The following ERBB4 variants were observed in gnomAD, a reference collection of about 807,000 sequenced individuals.
ERBB4 encodes erb-b2 receptor tyrosine kinase 4, also known as receptor tyrosine-protein kinase erbB-4.
ERBB4 carries 42 observed loss-of-function variants against 158.0 expected under a neutral mutation model. The observed-to-expected ratio is 0.27, with a 90% CI of 0.21 to 0.34. ERBB4 has a LOEUF of 0.34. Among genes scored for constraint, ERBB4 ranks in the 10% least tolerant of loss-of-function variants. The pLI, the probability that ERBB4 is intolerant of heterozygous loss-of-function variation, is 1.00. For missense variants in ERBB4, 1,333 were observed against 1,624.1 expected, an observed-to-expected ratio of 0.82 and a Z score of 3.08; for synonymous variants, 583 against 558.7, an observed-to-expected ratio of 1.04 and a Z score of -0.61.
rs992360871 is a variant in ERBB4 at position 212,481,403 on chromosome 2, A to G, written c.82+57046T>C. ...ATTTTATACCAAAGGATAAATTCTAAACAGAAAGCACAAAGAGGGGTACTT... is the reference window on the plus strand; with the variant it reads ...ATTTTATACCAAAGGATAAATTCTAGACAGAAAGCACAAAGAGGGGTACTT... On this transcript the variant is annotated intron_variant, in intron 1 of 27. Transcript: ENST00000342788. 2.0e-5 allele frequency among the ~76,000 whole-genome samples: 3 copies of G among 152,186 alleles called. No homozygotes were observed. In the South Asian group the frequency reaches 6.2e-4, roughly 32 times the overall value.
intron 1 of ERBB4, among the ~76,000 whole-genome samples, chr2:212,321,563 G>C (rs747190515): frequency 6.6e-6 from 1 of 150,460 alleles, no homozygotes; most frequent in African/African-American, 2.4e-5. Flanking sequence ...GCTGGGCATT[G>C]TGGCACATGC....
In ERBB4 at chr2:212,146,986, C is replaced by CTTTTTT. The variant is rs34029473; in HGVS notation, c.83-22089_83-22084dup. Among the ~76,000 whole-genome samples the CTTTTTT allele has an allele frequency of 5.4e-4, 42 of 77,446 alleles. 2 individuals are homozygous for CTTTTTT. The highest frequency in any genetic ancestry group is 8.6e-4 in the African/African-American group (16 of 18,702). 50.8% of individuals were successfully genotyped at this position (77,446 alleles called of 152,430 possible). A position where few individuals can be genotyped will look rare whatever the true frequency, so the allele number is the denominator to read the frequency against. The stretch of plus-strand genomic sequence containing the variant: ...GAGAAGCTCTGTTGTCATTGTTAGA[C>CTTTTTT]TTTTTTTTTTTTTTTTTTTTTTGAG... On this transcript the variant is annotated intron_variant, in intron 1 of 27. Coordinates refer to ENST00000342788, the MANE Select transcript of ERBB4 (RefSeq NM_005235.3).
At chr2:211,996,837 T>G (rs940480307) in intron 2 of ERBB4, among the ~76,000 whole-genome samples, 1 of 152,216 alleles carries the variant, frequency 6.6e-6, no homozygotes, top group African/African-American at 2.4e-5. Flanking sequence ...CATACACGTT[T>G]AATTTTAATC....
At position 211,802,227 on chromosome 2, in the gene ERBB4, A is replaced by G. The variant is rs539130202; in HGVS notation, c.422-14068T>C. Among the ~76,000 whole-genome samples, 17 of 151,542 alleles carry G rather than the reference A, an allele frequency of 1.1e-4. No individual in the cohort carries two copies. The South Asian group carries it at 3.5e-3, about 32-fold the overall frequency. On this transcript the variant is annotated intron_variant, in intron 3 of 27. Coordinates refer to ENST00000342788, the MANE Select transcript of ERBB4 (RefSeq NM_005235.3). ...TGAGCCGAGATAGCGCCGCTGCAGT[A>G]CGGCCTGGGCGAAAGAGCGAGACTC...
chr2:211,451,143 G>A (rs574265620), intron 20 of ERBB4, among the ~76,000 whole-genome samples: 2 of 152,292 alleles, frequency 1.3e-5, no homozygotes, highest in African/African-American at 4.8e-5. Flanking sequence ...TTAGGGGCAT[G>A]GAAGAAGGCC....
chr2:212,244,200 T>G (rs950946316), intron 1 of ERBB4, among the ~76,000 whole-genome samples: 8 of 152,144 alleles, frequency 5.3e-5, no homozygotes. Flanking sequence ...ACATAGACAT[T>G]TATGAGGTAT....
At chr2:211,473,714 T>A (rs2064886263) in intron 20 of ERBB4, among the ~76,000 whole-genome samples, 1 of 151,934 alleles carries the variant, frequency 6.6e-6, no homozygotes, top group African/African-American at 2.4e-5. Context: ...TAGGTTAAGC[T>A]CCCTGGGAGC....
intron 20 of ERBB4, among the ~76,000 whole-genome samples, chr2:211,515,496 G>T (rs1210656343): frequency 6.6e-6 from 1 of 152,034 alleles, no homozygotes; most frequent in Non-Finnish European, 1.5e-5. Context: ...TGTCAGTTGA[G>T]TAGACTGCAT....
intron 20 of ERBB4, among the ~76,000 whole-genome samples, chr2:211,529,754 T>G (rs2066445646): frequency 6.6e-6 from 1 of 152,092 alleles, no homozygotes. Context: ...AATTATATAA[T>G]CATTTCAATT....
rs769106767 is a variant in ERBB4, at chr2:211,431,021, T to A, written c.2567A>T (p.His856Leu). The change falls in exon 21 of 28, where the codon CAT becomes CTT. Residue 856 changes from histidine (H) to leucine (L), a missense_variant. His to Leu is a moderately conservative substitution (Grantham distance 99). This residue lies in a region of ERBB4 where 314 missense variants were observed against 437.6 expected (regional missense o/e 0.72). Coordinates refer to ENST00000342788, the MANE Select transcript of ERBB4 (RefSeq NM_005235.3). ...TAGCCCAAAATCTGTGATTTTCACATGGTTTGGAGATTTCACTAAGACATT... is the reference window on the plus strand; with the variant it reads ...TAGCCCAAAATCTGTGATTTTCACAAGGTTTGGAGATTTCACTAAGACATT... ...ARNVLVKSPN[H>L]VKITDFGLAR... The A allele has an allele frequency of 3.7e-6, 6 of 1,613,774 alleles. No homozygotes were observed. In the Admixed American group the frequency reaches 1.0e-4, roughly 27 times the overall value.
At chr2:212,102,179 C>T (rs1219553443) in intron 2 of ERBB4, among the ~76,000 whole-genome samples, 2 of 141,378 alleles carry the variant, frequency 1.4e-5, no homozygotes, top group African/African-American at 2.6e-5. Context: ...TTTTCTTTAC[C>T]GCTGGTCATT....
intron 1 of ERBB4, among the ~76,000 whole-genome samples, chr2:212,469,223 A>C (rs1688995019): frequency 6.6e-6 from 1 of 152,222 alleles, no homozygotes. Context: ...TCCTTTCAGT[A>C]TTTATAGACA....
intron 2 of ERBB4, among the ~76,000 whole-genome samples, chr2:212,122,653 A>C (rs1268896313): frequency 6.6e-6 from 1 of 152,104 alleles, no homozygotes; most frequent in African/African-American, 2.4e-5. Context: ...GGTTCCCAAC[A>C]CAGTATAGAC....
chr2:211,618,009 G>A lies in ERBB4; in HGVS notation c.2301+1168C>T, dbSNP rs73988621. ...CATCCTACTCTGAAATTTGCTGACC[G>A]GTTCAAATCTACAATTTTTGCTAGG... On this transcript the variant is annotated intron_variant, in intron 19 of 27. Coordinates refer to ENST00000342788, the MANE Select transcript of ERBB4 (RefSeq NM_005235.3). Among the ~76,000 whole-genome samples, 369 of 151,966 alleles carry A rather than the reference G, an allele frequency of 2.4e-3. 5 individuals are homozygous for A. Among genetic ancestry groups the A allele is most frequent in the African/African-American group, 7.8e-3 (323 of 41,478 alleles).
intron 1 of ERBB4, among the ~76,000 whole-genome samples, chr2:212,402,040 A>G (rs182052654): frequency 1.3e-5 from 2 of 152,232 alleles, no homozygotes; most frequent in Admixed American, 6.6e-5. Context: ...GAAAACTTAC[A>G]TTTACACAAA....
At chr2:212,119,559 A>T (rs2079680514) in intron 2 of ERBB4, among the ~76,000 whole-genome samples, 1 of 152,130 alleles carries the variant, frequency 6.6e-6, no homozygotes, top group African/African-American at 2.4e-5. Context: ...ATAGCACAAA[A>T]TCTGTGATTT....
chr2:212,502,125 C>T (rs1690926744), intron 1 of ERBB4, among the ~76,000 whole-genome samples: 1 of 152,010 alleles, frequency 6.6e-6, no homozygotes, highest in Non-Finnish European at 1.5e-5. Flanking sequence ...AATCCCAGGA[C>T]ATTAAAGTAC....
At chr2:211,580,866 C>CATATATATATATATATATAT (rs56892079) in intron 19 of ERBB4, among the ~76,000 whole-genome samples, 1 of 64,188 alleles carries the variant, frequency 1.6e-5, no homozygotes, top group Non-Finnish European at 2.6e-5. Context: ...TATGCATATA[C>CATATATATATATATATATAT]ATATATATAT....
chr2:212,198,686 T>C (rs2082501213), intron 1 of ERBB4, among the ~76,000 whole-genome samples: 1 of 150,708 alleles, frequency 6.6e-6, no homozygotes, highest in Non-Finnish European at 1.5e-5. Context: ...GCGATTCTCC[T>C]GGCTCAGCCC....
Sources: allele counts gnomAD v4.1 joint callset (sites outside exome capture counted in the v4.1 genomes callset), GRCh38; gene constraint gnomAD v4.1.1; regional missense constraint gnomAD v4.1.1; transcripts MANE v1.5; gene names NCBI Gene and HGNC (gene_info 2026-07-23, HGNC 2026-07-21).